The following CNTN5 variants were observed in gnomAD, a reference collection of about 807,000 sequenced individuals.
CNTN5 encodes contactin-5.
In CNTN5, 77 loss-of-function variants were observed where a neutral mutation model predicts 129.1. That is an observed-to-expected ratio of 0.60 (90% CI 0.50 to 0.72). The LOEUF (loss-of-function observed/expected upper bound fraction) is 0.72. CNTN5 is among the 30% of genes least tolerant of loss of function. The probability of loss-of-function intolerance (pLI) is 0.00; values close to 1 mark genes in which losing one functional copy is unlikely to be tolerated. For synonymous variants in CNTN5, 509 were observed against 465.6 expected (o/e 1.09, Z -1.20); for missense variants, 1,478 against 1,328.8 (o/e 1.11, Z -1.75).
At chr11:100,229,409 G>GGTTT (rs1054011570) in intron 16 of CNTN5, among the ~76,000 whole-genome samples, 2 of 152,092 alleles carry the variant, frequency 1.3e-5, no homozygotes, top group Non-Finnish European at 2.9e-5. Context: ...AAGTATTATT[G>GGTTT]GTTTGTTTGT....
intron 15 of CNTN5, among the ~76,000 whole-genome samples, chr11:100,201,987 C>A (rs1948790552): frequency 6.6e-6 from 1 of 152,006 alleles, no homozygotes; most frequent in Admixed American, 6.6e-5. Context: ...AGAATTACAT[C>A]TCTCACCTGT....
intron 9 of CNTN5, among the ~76,000 whole-genome samples, chr11:100,027,984 A>C (rs1357310673): frequency 6.6e-6 from 1 of 152,216 alleles, no homozygotes; most frequent in East Asian, 1.9e-4. Context: ...AACCTGCTCT[A>C]AATGTCTTTA....
At chr11:100,224,605 T>A in intron 15 of CNTN5, 87 bp from the exon 16 acceptor site, 1 of 1,376,398 alleles carries the variant, frequency 7.3e-7, no homozygotes, top group South Asian at 1.5e-5. Flanking sequence ...ATGGGCCCTT[T>A]TACTGAATAT....
chr11:99,894,527 A>AG lies in CNTN5; in HGVS notation c.578-21527_578-21526insG, dbSNP rs1228945588. ...CAGGTACCAGCAGCAAAAAAAAAAA[A>AG]AACCAAAAAACAAAAAACAAAAACA... On this transcript the variant is annotated intron_variant, in intron 6 of 24. Transcript: ENST00000524871. Among the ~76,000 whole-genome samples, 129 of 147,114 alleles carry AG rather than the reference A, an allele frequency of 8.8e-4. 1 individual carries two copies. The highest frequency in any genetic ancestry group is 3.0e-3 in the African/African-American group (123 of 40,802).
intron 1 of CNTN5, among the ~76,000 whole-genome samples, chr11:99,070,540 G>C (rs746904264): frequency 2.0e-5 from 3 of 149,540 alleles, no homozygotes. Context: ...AAAAAAAAAA[G>C]ATAGATGGAC....
chr11:99,227,688 C>T (rs944984885), intron 1 of CNTN5, among the ~76,000 whole-genome samples: 1 of 152,028 alleles, frequency 6.6e-6, no homozygotes, highest in African/African-American at 2.4e-5. Context: ...TAAAATGTAT[C>T]GTTTGAATTC....
chr11:99,045,569 A>G (rs539525037), intron 1 of CNTN5, among the ~76,000 whole-genome samples: 8 of 152,334 alleles, frequency 5.3e-5, no homozygotes, highest in African/African-American at 1.9e-4. Context: ...AGCTTTCTAC[A>G]TGAGAAGTTC....
At chr11:99,310,727 G>A (rs1865074666) in intron 1 of CNTN5, among the ~76,000 whole-genome samples, 1 of 151,980 alleles carries the variant, frequency 6.6e-6, no homozygotes, top group South Asian at 2.1e-4. Context: ...CAACAATGAT[G>A]GGTTTGGCAT....
chr11:99,708,367 A>G lies in CNTN5; in HGVS notation c.56-111177A>G, dbSNP rs910115323. Reference sequence around the variant, plus strand: ...TTAATAATTTAAATGCTTTAAATACATGCATTTGACGTTTGCATGACAAAG... The same window carrying G: ...TTAATAATTTAAATGCTTTAAATACGTGCATTTGACGTTTGCATGACAAAG... On this transcript the variant is annotated intron_variant, in intron 3 of 24. Transcript: ENST00000524871. Among the ~76,000 whole-genome samples, 8 of 151,802 alleles carry G rather than the reference A, an allele frequency of 5.3e-5. No individual in the cohort carries two copies. The South Asian group carries it at 1.4e-3, about 28-fold the overall frequency.
intron 1 of CNTN5, among the ~76,000 whole-genome samples, chr11:99,280,188 A>G (rs1591462971): frequency 6.6e-6 from 1 of 151,750 alleles, no homozygotes; most frequent in East Asian, 1.9e-4. Flanking sequence ...AAGAAAAAAT[A>G]CTATATATTT....
chr11:99,333,574 T>C (rs887938345), intron 2 of CNTN5, among the ~76,000 whole-genome samples: 5 of 152,040 alleles, frequency 3.3e-5, no homozygotes, highest in Non-Finnish European at 7.4e-5. Context: ...AAAATAACTT[T>C]TAATAATGTA....
intron 3 of CNTN5, among the ~76,000 whole-genome samples, chr11:99,743,806 A>AAG (rs2135173304): frequency 6.6e-6 from 1 of 152,328 alleles, no homozygotes; most frequent in South Asian, 2.1e-4. Context: ...GTGAAATCTT[A>AAG]AGAGATTCTT....
intron 2 of CNTN5, among the ~76,000 whole-genome samples, chr11:99,382,262 G>A (rs1940612596): frequency 1.3e-5 from 2 of 152,038 alleles, no homozygotes; most frequent in African/African-American, 2.4e-5. Context: ...ACACTGAGAG[G>A]ACTGAATGGC....
At chr11:99,632,775 G>T (rs1234678501) in intron 3 of CNTN5, among the ~76,000 whole-genome samples, 2 of 152,228 alleles carry the variant, frequency 1.3e-5, no homozygotes, top group Admixed American at 1.3e-4. Context: ...GTTTTGCATT[G>T]ATTGGCATTA....
chr11:100,067,153 T>C (rs897090496), intron 10 of CNTN5, among the ~76,000 whole-genome samples: 4 of 152,132 alleles, frequency 2.6e-5, no homozygotes, highest in African/African-American at 9.7e-5. Context: ...ACATTTTCCA[T>C]GTATTTTGTG....
chr11:100,300,048 C>T (rs898875305), intron 20 of CNTN5, among the ~76,000 whole-genome samples: 2 of 151,466 alleles, frequency 1.3e-5, no homozygotes, highest in African/African-American at 4.8e-5. Flanking sequence ...TTTTGTATAA[C>T]TTGCTGCCTT....
intron 18 of CNTN5, among the ~76,000 whole-genome samples, chr11:100,290,552 A>G (rs1950937069): frequency 1.4e-5 from 2 of 142,074 alleles, no homozygotes; most frequent in Non-Finnish European, 3.1e-5. Flanking sequence ...CTGGCTAGCC[A>G]TATGTAGAAA....
At chr11:99,516,358 A>T (rs1947053107) in intron 2 of CNTN5, among the ~76,000 whole-genome samples, 1 of 152,156 alleles carries the variant, frequency 6.6e-6, no homozygotes, top group Admixed American at 6.6e-5. Flanking sequence ...GGTAATTAAA[A>T]TTCATATTTA....
intron 16 of CNTN5, among the ~76,000 whole-genome samples, chr11:100,236,267 T>C (rs1263972262): frequency 6.6e-6 from 1 of 152,080 alleles, no homozygotes; most frequent in African/African-American, 2.4e-5. Context: ...TTAAGTCCAG[T>C]CCTGCACTCC....
Sources: allele counts gnomAD v4.1 joint callset (sites outside exome capture counted in the v4.1 genomes callset), GRCh38; gene constraint gnomAD v4.1.1; transcripts MANE v1.5; gene names NCBI Gene and HGNC (gene_info 2026-07-23, HGNC 2026-07-21).